The following POTEC variants were observed in gnomAD, a reference collection of about 807,000 sequenced individuals.
POTEC encodes the protein POTE ankyrin domain family member C.
POTEC carries 35 observed loss-of-function variants against 62.0 expected under a neutral mutation model. The ratio of observed to expected loss-of-function variants is 0.56; its 90% CI spans 0.43 to 0.75. The LOEUF is 0.75. Among genes scored for constraint, POTEC ranks in the 30% least tolerant of loss-of-function variants. The pLI, the probability that POTEC is intolerant of heterozygous loss-of-function variation, is 0.00. For missense variants in POTEC, 472 were observed against 655.9 expected (o/e 0.72, Z 3.06); for synonymous variants, 156 against 221.5 (o/e 0.70, Z 2.62).
At chr18:14,530,377 C>A in intron 6 of POTEC, 106 bp downstream of exon 6, 2 of 1,546,950 alleles carry the variant, frequency 1.3e-6, no homozygotes, top group South Asian at 2.3e-5. Flanking sequence ...AAACCATCCC[C>A]ACCTTCCCCC....
chr18:14,510,683 A>G lies in POTEC; in HGVS notation c.*1215T>C, dbSNP rs1909980701. ...TTGCCAATCTCAACACACCTGTAGG[A>G]TGTGACTGGAAGCAAGTTGAGAAGT... On this transcript the variant is annotated 3_prime_UTR_variant, in exon 11 of 11. Transcript: ENST00000358970. 6.6e-6 allele frequency: 1 copy of G among 152,154 alleles called. No individual in the cohort carries two copies. The highest frequency in any genetic ancestry group is 2.1e-4 in the South Asian group (1 of 4,826). The allele number at this position is 152,154 out of a possible 1,614,324, so 9.4% of individuals were successfully genotyped here.
intron 9 of POTEC, among the ~76,000 whole-genome samples, chr18:14,517,761 C>T (rs571899829): frequency 6.6e-6 from 1 of 152,232 alleles, no homozygotes; most frequent in East Asian, 1.9e-4. Context: ...CCTTGGGAGG[C>T]TGAGGGAGGA....
chr18:14,528,252 T>G (rs1910489971), intron 6 of POTEC, among the ~76,000 whole-genome samples: 1 of 152,180 alleles, frequency 6.6e-6, no homozygotes, highest in Admixed American at 6.6e-5. Context: ...CTGCTCAAAT[T>G]TCTCCAATGA....
chr18:14,525,024 A>G, intron 6 of POTEC, 41 bp from the exon 7 acceptor site: 1 of 1,589,376 alleles, frequency 6.3e-7, no homozygotes, highest in South Asian at 1.1e-5. Context: ...TGAACCACTT[A>G]GAACAGTTAA....
chr18:14,516,200 G>T (rs1412868714), intron 9 of POTEC, among the ~76,000 whole-genome samples: 1 of 146,688 alleles, frequency 6.8e-6, no homozygotes, highest in Admixed American at 6.9e-5. Flanking sequence ...CTCTCAAAAA[G>T]ACACCTATAT....
Position 14,534,888 on chromosome 18 carries a change from G to T in POTEC, c.917+13C>A, listed in dbSNP as rs541132979. ...ATCTAGAACAACACACAGATTAAAA[G>T]AAATAACCATACCTTCCATATCTAT... On this transcript the variant is annotated intron_variant, in intron 4 of 10. Transcript: ENST00000358970. 1 of 1,546,376 alleles carries T rather than the reference G, an allele frequency of 6.5e-7. No individual in the cohort carries two copies. Among genetic ancestry groups the T allele is most frequent in the East Asian group, 2.3e-5 (1 of 42,814 alleles).
chr18:14,508,816 T>G lies in POTEC; in HGVS notation c.*3082A>C, dbSNP rs1909914527. 6.6e-6 allele frequency: 1 copy of G among 152,512 alleles called. No individual in the cohort carries two copies. Among genetic ancestry groups the G allele is most frequent in the African/African-American group, 2.4e-5 (1 of 41,456 alleles). The allele number at this position is 152,512 out of a possible 1,614,324, so 9.4% of individuals were successfully genotyped here. A position where few individuals can be genotyped will look rare whatever the true frequency, so the allele number is the denominator to read the frequency against. ...AGAAGGTATGCTGAATTTTTGAGTT[T>G]TCAGTGTTCTTGCACAGAGTCTTTT... is the stretch of plus-strand genomic sequence containing the variant. On this transcript the variant is annotated 3_prime_UTR_variant, in exon 11 of 11. Transcript: ENST00000358970.
rs148381303 is a variant in POTEC, at chr18:14,515,653, C to CAAATAAAT, written c.1410-1876_1410-1869dup. On this transcript the variant is annotated intron_variant, in intron 9 of 10. Coordinates refer to ENST00000358970, the MANE Select transcript of POTEC (RefSeq NM_001137671.2). ...AGCAACAAAAATAAAAATAAATAAA[C>CAAATAAAT]AAATAAATAAATAAATAAATAAATA... Among the ~76,000 whole-genome samples the CAAATAAAT allele has an allele frequency of 5.7e-3, 847 of 149,410 alleles. 6 individuals carry two copies. Among genetic ancestry groups the CAAATAAAT allele is most frequent in the African/African-American group, 0.015 (627 of 40,872 alleles).
intron 6 of POTEC, among the ~76,000 whole-genome samples, chr18:14,526,906 C>G (rs1376638152): frequency 6.6e-6 from 1 of 152,106 alleles, no homozygotes; most frequent in Non-Finnish European, 1.5e-5. Context: ...GACAAGGTGA[C>G]AGCTAGCTCA....
intron 4 of POTEC, among the ~76,000 whole-genome samples, chr18:14,533,804 A>G (rs1407962430): frequency 6.6e-6 from 1 of 151,882 alleles, no homozygotes. Flanking sequence ...AATGTCACAC[A>G]CGTAGCAAGT....
Position 14,543,074 on chromosome 18 carries a change from C to T in POTEC, c.73G>A (p.Gly25Ser). Residue 25 changes from glycine to serine, a missense_variant, in exon 1 of 11, where the codon GGC becomes AGC. Around this residue, in one of 5 missense-constraint regions of POTEC, gnomAD observed 257 missense variants for 250.7 expected, o/e 1.03. Coordinates refer to ENST00000358970, the MANE Select transcript of POTEC (RefSeq NM_001137671.2). Reference sequence around the variant, plus strand: ...GGGAAGCGGTGGTGAAACCACTTGCCCATCTTGCTCCTGAGATCGAATGGC... The same window carrying T: ...GGGAAGCGGTGGTGAAACCACTTGCTCATCTTGCTCCTGAGATCGAATGGC... Reference protein sequence around the residue: ...KKPFDLRSKMGKWFHHRFPCC... With the variant: ...KKPFDLRSKMSKWFHHRFPCC... 1.9e-6 allele frequency: 3 copies of T among 1,613,116 alleles called. No individual in the cohort carries two copies. The highest frequency in any genetic ancestry group is 1.7e-6 in the Non-Finnish European group (2 of 1,179,870).
At chr18:14,533,893 C>G (rs1024000187) in intron 4 of POTEC, among the ~76,000 whole-genome samples, 49 of 148,056 alleles carry the variant, frequency 3.3e-4, no homozygotes, top group African/African-American at 1.2e-3. Flanking sequence ...TTTTTCCATG[C>G]CCAGCTAGTT....
chr18:14,525,374 T>C (rs1402946588), intron 6 of POTEC, among the ~76,000 whole-genome samples: 1 of 152,086 alleles, frequency 6.6e-6, no homozygotes, highest in East Asian at 1.9e-4. Flanking sequence ...ACTCTAAGGA[T>C]AGTATCAGGC....
intron 6 of POTEC, among the ~76,000 whole-genome samples, 192 bp downstream of exon 6, chr18:14,530,291 A>G (rs561534596): frequency 6.6e-6 from 1 of 152,176 alleles, no homozygotes; most frequent in East Asian, 1.9e-4. Flanking sequence ...TAAGTTGTAT[A>G]ATTATTTCAT....
rs556813221 is a variant in POTEC, at chr18:14,518,150, TA to T, written c.1409+4103del. Among the ~76,000 whole-genome samples, 999 of 152,326 alleles carry T rather than the reference TA, an allele frequency of 6.6e-3. 11 individuals are homozygous for T. The highest frequency in any genetic ancestry group is 0.023 in the African/African-American group (960 of 41,578). On this transcript the variant is annotated intron_variant, in intron 9 of 10. Transcript: ENST00000358970. ...GGATAAACTCCATTCACTCATTTAA[TA>T]AGTATTTATTAGGTAGCTTCATCCA...
At chr18:14,539,794 T>C (rs142986979) in intron 1 of POTEC, among the ~76,000 whole-genome samples, 2,634 of 152,300 alleles carry the variant, frequency 0.017, 60 homozygotes, top group African/African-American at 0.053. Flanking sequence ...AAAGCTTCAA[T>C]TGAGATTAAG....
rs189676175 is a variant in POTEC at position 14,518,390 on chromosome 18, A to G, written c.1409+3864T>C. On this transcript the variant is annotated intron_variant, in intron 9 of 10. Transcript: ENST00000358970. ...GGGATGGTCAGAGAAGTCCCTGCTG[A>G]GAAAGGGGATTTTTTTTTTCTAATA... is the stretch of plus-strand genomic sequence containing the variant. Among the ~76,000 whole-genome samples, 462 of 151,898 alleles carry G rather than the reference A, an allele frequency of 3.0e-3. 1 individual carries two copies. Among genetic ancestry groups the G allele is most frequent in the African/African-American group, 0.01 (427 of 41,416 alleles).
At chr18:14,515,645 T>TAAACAAAC (rs1323835886) in intron 9 of POTEC, among the ~76,000 whole-genome samples, 2 of 74,942 alleles carry the variant, frequency 2.7e-5, no homozygotes, top group Admixed American at 3.7e-4. Flanking sequence ...AAAATAAAAA[T>TAAACAAAC]AAATAAACAA....
At chr18:14,515,536 A>G (rs1287755782) in intron 9 of POTEC, among the ~76,000 whole-genome samples, 2 of 152,182 alleles carry the variant, frequency 1.3e-5, no homozygotes, top group South Asian at 2.1e-4. Context: ...ACCATGTAAA[A>G]AAATTAATTC....
Sources: gnomAD v4.1 joint callset for allele counts (sites outside exome capture counted in the v4.1 genomes callset) on GRCh38, gnomAD v4.1.1 for gene constraint, gnomAD v4.1.1 regional missense constraint, MANE v1.5 for transcripts, NCBI Gene and HGNC (gene_info 2026-07-23, HGNC 2026-07-21) for gene names.